FANK1: variants seen among roughly 807,000 people sequenced by gnomAD.
The protein encoded by FANK1 is fibronectin type III and ankyrin repeat domains 1.
In FANK1, 44 loss-of-function variants were observed where a neutral mutation model predicts 45.3. The observed-to-expected ratio is 0.97, with a 90% CI of 0.76 to 1.25. The LOEUF (loss-of-function observed/expected upper bound fraction) is 1.25, where lower values mean the gene tolerates loss of function less well. Ranked by LOEUF, FANK1 falls within the 50% of genes most tolerant of loss-of-function variation. The pLI is 0.00. For missense variants in FANK1, 391 were observed against 424.4 expected (o/e 0.92, Z 0.69); for synonymous variants, 149 against 152.5 (o/e 0.98, Z 0.17).
At chr10:125,973,481 G>A (rs1276683591) in intron 1 of FANK1, 1 of 984,676 alleles carries the variant, frequency 1.0e-6, no homozygotes, top group African/African-American at 1.7e-5. Flanking sequence ...TCAGTGAGAT[G>A]ACTCACAGTA....
intron 1 of FANK1, among the ~76,000 whole-genome samples, chr10:125,958,125 T>C (rs565237183): frequency 1.3e-5 from 2 of 152,300 alleles, no homozygotes; most frequent in Admixed American, 6.5e-5. Flanking sequence ...TCTACAGTAC[T>C]GTAGAACTCT....
At chr10:125,954,564 T>G (rs1949453809) in intron 1 of FANK1, among the ~76,000 whole-genome samples, 2 of 146,694 alleles carry the variant, frequency 1.4e-5, no homozygotes, top group Non-Finnish European at 3.0e-5. Flanking sequence ...CAGAAAAAAT[T>G]TCAATAGTTC....
chr10:125,933,488 C>T (rs1947883835), intron 1 of FANK1, among the ~76,000 whole-genome samples: 1 of 152,100 alleles, frequency 6.6e-6, no homozygotes, highest in Non-Finnish European at 1.5e-5. Flanking sequence ...TCTCCTGTTT[C>T]ATTTCTTAAT....
At chr10:125,957,031 ATTTTTAGT>A (rs1271864500) in intron 1 of FANK1, among the ~76,000 whole-genome samples, 1 of 152,064 alleles carries the variant, frequency 6.6e-6, no homozygotes, top group African/African-American at 2.4e-5. Context: ...GCTGTTTTCT[ATTTTTAGT>A]AGAGACGGGG....
intron 1 of FANK1, among the ~76,000 whole-genome samples, chr10:125,909,080 CAGG>C (rs1945776794): frequency 6.6e-6 from 1 of 152,256 alleles, no homozygotes; most frequent in East Asian, 1.9e-4. Flanking sequence ...TGTCTGTTAG[CAGG>C]AGACCTCTGT....
intron 1 of FANK1, among the ~76,000 whole-genome samples, chr10:125,910,155 T>C (rs1360822747): frequency 6.6e-6 from 1 of 152,226 alleles, no homozygotes; most frequent in Non-Finnish European, 1.5e-5. Context: ...TTCTTTTTTC[T>C]GTTTTTTATT....
intron 1 of FANK1, among the ~76,000 whole-genome samples, chr10:125,925,931 T>G (rs754626190): frequency 6.6e-6 from 1 of 152,236 alleles, no homozygotes; most frequent in Non-Finnish European, 1.5e-5. Context: ...TTTATCCTAC[T>G]TATGTTTCTT....
chr10:125,942,064 C>T lies in FANK1; in HGVS notation c.14-38097C>T, dbSNP rs117945329. Among the ~76,000 whole-genome samples, 119 of 152,202 alleles carry T rather than the reference C, an allele frequency of 7.8e-4. No homozygotes were observed. The East Asian group carries it at 0.021, about 27-fold the overall frequency. ...TTATTAGGGATGGGGTCCACACACC[C>T]TTCTGATGTGAAATGTCATGATAAT... On this transcript the variant is annotated intron_variant, in intron 1 of 10. Transcript: ENST00000368693.
intron 1 of FANK1, among the ~76,000 whole-genome samples, chr10:125,949,549 A>G (rs1158144674): frequency 6.6e-6 from 1 of 151,340 alleles, no homozygotes; most frequent in Admixed American, 6.6e-5. Flanking sequence ...TAGGAATCCA[A>G]CTTACAAGGG....
chr10:125,970,045 C>T (rs560970306), intron 1 of FANK1, among the ~76,000 whole-genome samples: 5 of 152,342 alleles, frequency 3.3e-5, no homozygotes, highest in Admixed American at 3.3e-4. Context: ...GACACAGTAA[C>T]AATCTGATCT....
At position 126,009,460 on chromosome 10, in the gene FANK1, A is replaced by T; in HGVS notation, c.*22A>T. The stretch of plus-strand genomic sequence containing the variant: ...CTGATGAGAGCACCACTCATCTGCG[A>T]AACGCACGTAAAACAAAGTGAACCG... On this transcript the variant is annotated 3_prime_UTR_variant, in exon 11 of 11. Transcript: ENST00000368693. 6.2e-7 allele frequency: 1 copy of T among 1,611,490 alleles called. No homozygotes were observed. Among genetic ancestry groups the T allele is most frequent in the Non-Finnish European group, 8.5e-7 (1 of 1,179,308 alleles).
At chr10:125,991,585 T>C (rs1228258691) in intron 3 of FANK1, among the ~76,000 whole-genome samples, 1 of 152,084 alleles carries the variant, frequency 6.6e-6, no homozygotes, top group Non-Finnish European at 1.5e-5. Flanking sequence ...AGTTTGAGAG[T>C]GTTTTAATGA....
intron 1 of FANK1, among the ~76,000 whole-genome samples, chr10:125,902,502 A>G (rs1205905370): frequency 6.6e-6 from 1 of 152,216 alleles, no homozygotes; most frequent in Non-Finnish European, 1.5e-5. Context: ...TTATTCTACA[A>G]CACAAAGGGC....
chr10:126,009,001 G>C, intron 8 of FANK1, 53 bp from the exon 9 acceptor site: 1 of 1,565,954 alleles, frequency 6.4e-7, no homozygotes, highest in Non-Finnish European at 8.8e-7. Context: ...CCCCTGCTGT[G>C]TGTGCCCTGG....
intron 1 of FANK1, among the ~76,000 whole-genome samples, chr10:125,976,839 C>T (rs1390433371): frequency 6.6e-6 from 1 of 152,066 alleles, no homozygotes; most frequent in Non-Finnish European, 1.5e-5. Context: ...GCCAGGCTGT[C>T]CTGAAATTCC....
intron 1 of FANK1, among the ~76,000 whole-genome samples, chr10:125,947,547 T>G (rs1948897862): frequency 6.6e-6 from 1 of 151,040 alleles, no homozygotes; most frequent in African/African-American, 2.4e-5. Context: ...AGGGATCAAT[T>G]CAACAAGAAG....
chr10:125,946,244 C>A (rs1251906685), intron 1 of FANK1, among the ~76,000 whole-genome samples: 4 of 151,878 alleles, frequency 2.6e-5, no homozygotes, highest in African/African-American at 9.7e-5. Flanking sequence ...AGCAACGGAA[C>A]AAAGCTGGAT....
intron 1 of FANK1, chr10:125,973,644 A>C (rs1366564021): frequency 1.2e-5 from 2 of 160,112 alleles, no homozygotes; most frequent in Non-Finnish European, 2.7e-5. Context: ...CTAATATTTT[A>C]AACATATCAA....
intron 1 of FANK1, among the ~76,000 whole-genome samples, chr10:125,966,885 C>CA (rs1950226890): frequency 6.6e-6 from 1 of 152,124 alleles, no homozygotes; most frequent in East Asian, 1.9e-4. Flanking sequence ...AAAATAATAC[C>CA]AAAAAATCAG....
Sources: allele counts gnomAD v4.1 joint callset (sites outside exome capture counted in the v4.1 genomes callset), GRCh38; gene constraint gnomAD v4.1.1; transcripts MANE v1.5; gene names NCBI Gene and HGNC (gene_info 2026-07-23, HGNC 2026-07-21).